The following USP24 variants were observed in gnomAD, a reference collection of about 807,000 sequenced individuals.
The protein encoded by USP24 is ubiquitin specific peptidase 24, also known as ubiquitin carboxyl-terminal hydrolase 24.
Under a neutral mutation model 361.6 loss-of-function variants are expected in USP24, and 97 were observed. The ratio of observed to expected loss-of-function variants is 0.27; its 90% CI spans 0.23 to 0.32. USP24 has a LOEUF of 0.32. Ranked by LOEUF, USP24 falls within the 10% of genes least tolerant of loss-of-function variation. The pLI is 1.00. For synonymous variants in USP24, 1,098 were observed against 1,124.6 expected (o/e 0.98, Z 0.47); for missense variants, 2,353 against 3,165.6 (o/e 0.74, Z 6.16).
chr1:55,170,861 T>C (rs1312276229), intron 5 of USP24, among the ~76,000 whole-genome samples: 1 of 152,218 alleles, frequency 6.6e-6, no homozygotes, highest in East Asian at 1.9e-4. Context: ...ACTGTTTATA[T>C]TAAAAGACAG....
chr1:55,212,571 A>G (rs775066674), intron 1 of USP24, among the ~76,000 whole-genome samples: 1 of 152,156 alleles, frequency 6.6e-6, no homozygotes, highest in Non-Finnish European at 1.5e-5. Context: ...CAAGATCAAG[A>G]GCCTCAGTTT....
chr1:55,143,747 C>T (rs1646952547), intron 21 of USP24, among the ~76,000 whole-genome samples: 2 of 151,964 alleles, frequency 1.3e-5, no homozygotes, highest in Admixed American at 6.6e-5. Context: ...ACTGTGATCC[C>T]AGGACGAAGA....
chr1:55,108,954 A>G (rs1570425207), intron 39 of USP24, among the ~76,000 whole-genome samples: 1 of 152,308 alleles, frequency 6.6e-6, no homozygotes, highest in East Asian at 1.9e-4. Flanking sequence ...CACGAGACCA[A>G]TTCCACTGCA....
rs1281455613 is a variant in USP24 at position 55,144,129 on chromosome 1, A to G, written c.2437T>C (p.Leu813=). Residue 813 remains leucine (L), a splice_region_variant and synonymous_variant, in exon 21 of 68, where the codon TTG becomes CTG. Coordinates refer to ENST00000294383, the MANE Select transcript of USP24 (RefSeq NM_015306.3). The stretch of plus-strand genomic sequence containing the variant: ...AGATTTGAGAATAACGTACTTACCA[A>G]CTGAGCTCCTTGTCTTTTCAATCGA... ...DHRLKRQGAQ[L]YVEKLELIGM... 1.2e-6 allele frequency: 2 copies of G among 1,606,298 alleles called. No individual in the cohort carries two copies. The highest frequency in any genetic ancestry group is 1.7e-6 in the Non-Finnish European group (2 of 1,176,936).
chr1:55,181,894 G>C (rs1403377506), intron 1 of USP24, among the ~76,000 whole-genome samples: 2 of 152,118 alleles, frequency 1.3e-5, no homozygotes, highest in Non-Finnish European at 2.9e-5. Flanking sequence ...CATAAGGGTA[G>C]GGCCCTAATC....
At chr1:55,163,278 T>C (rs1284060744) in intron 7 of USP24, among the ~76,000 whole-genome samples, 1 of 151,914 alleles carries the variant, frequency 6.6e-6, no homozygotes, top group African/African-American at 2.4e-5. Flanking sequence ...AAAATTTGAC[T>C]ACGTAAAAGT....
At chr1:55,078,444 T>C (rs1570348035) in intron 61 of USP24, 94 bp downstream of exon 61, 1 of 845,768 alleles carries the variant, frequency 1.2e-6, no homozygotes, top group East Asian at 3.0e-5. Flanking sequence ...ACTTAGGCTA[T>C]GAGAACAAGC....
At chr1:55,110,836 C>T (rs1645928008) in intron 38 of USP24, among the ~76,000 whole-genome samples, 1 of 152,118 alleles carries the variant, frequency 6.6e-6, no homozygotes, top group Non-Finnish European at 1.5e-5. Context: ...AGCTGGATGT[C>T]CCATGGACAA....
Position 55,171,652 on chromosome 1 carries a change from A to G in USP24, c.729T>C (p.His243=). ...GAGACACTTTCATTCTGTTTTTAAA[A>G]TGGTATTCATTATCAGGATTGAAAG... is the stretch of plus-strand genomic sequence containing the variant. The part of the protein sequence containing the change: ...TMAFNPDNEY[H]FKNRMKVSQR... The change falls in exon 5 of 68, where the codon CAT becomes CAC. Residue 243 remains histidine (H), a synonymous_variant. Coordinates refer to ENST00000294383, the MANE Select transcript of USP24 (RefSeq NM_015306.3). 1 of 1,605,434 alleles carries G rather than the reference A, an allele frequency of 6.2e-7. No homozygotes were observed. The highest frequency in any genetic ancestry group is 2.2e-5 in the East Asian group (1 of 44,638).
intron 42 of USP24, among the ~76,000 whole-genome samples, chr1:55,103,357 G>T (rs940179024): frequency 6.6e-6 from 1 of 152,066 alleles, no homozygotes; most frequent in Non-Finnish European, 1.5e-5. Flanking sequence ...ATCTCATATT[G>T]TATCACATTA....
intron 16 of USP24, among the ~76,000 whole-genome samples, chr1:55,150,654 T>C (rs1647168423): frequency 6.6e-6 from 1 of 152,192 alleles, no homozygotes; most frequent in South Asian, 2.1e-4. Context: ...TTATTTAATA[T>C]TGAAAATTAT....
rs180962658 is a variant in USP24 at position 55,129,596 on chromosome 1, T to G, written c.3538-22A>C. The G allele has an allele frequency of 1.3e-5, 20 of 1,590,798 alleles. No individual in the cohort carries two copies. In the Admixed American group the frequency reaches 3.4e-4, roughly 27 times the overall value. On this transcript the variant is annotated intron_variant, in intron 31 of 67. Coordinates refer to ENST00000294383, the MANE Select transcript of USP24 (RefSeq NM_015306.3). Reference sequence around the variant, plus strand: ...GAACCTAGGGAACAGATAAGCACAATTATTCATCCACACATTTTCAGCAGA... The same window carrying G: ...GAACCTAGGGAACAGATAAGCACAAGTATTCATCCACACATTTTCAGCAGA...
At chr1:55,090,859 C>T (rs967765239) in intron 54 of USP24, among the ~76,000 whole-genome samples, 10 of 152,168 alleles carry the variant, frequency 6.6e-5, no homozygotes, top group Non-Finnish European at 1.5e-5. Context: ...CCAAGGAAGG[C>T]GAATCACCTG....
chr1:55,176,867 A>G (rs925043190), intron 2 of USP24, among the ~76,000 whole-genome samples: 2 of 152,090 alleles, frequency 1.3e-5, no homozygotes, highest in Non-Finnish European at 1.5e-5. Flanking sequence ...AGGCCGAGGC[A>G]AGAGGATCAC....
At chr1:55,197,121 A>G (rs1227897164) in intron 1 of USP24, among the ~76,000 whole-genome samples, 1 of 152,208 alleles carries the variant, frequency 6.6e-6, no homozygotes, top group African/African-American at 2.4e-5. Flanking sequence ...CTAGTTTAGA[A>G]TGCCGTTCCC....
chr1:55,159,638 A>G lies in USP24; in HGVS notation c.1041T>C (p.Ser347=). The G allele has an allele frequency of 1.3e-6, 2 of 1,562,336 alleles. No individual in the cohort carries two copies. The highest frequency in any genetic ancestry group is 1.2e-5 in the South Asian group (1 of 84,974). Residue 347 remains serine, a synonymous_variant, in exon 9 of 68, where the codon AGT becomes AGC. Coordinates refer to ENST00000294383, the MANE Select transcript of USP24 (RefSeq NM_015306.3). The stretch of plus-strand genomic sequence containing the variant: ...TGTCTTTGAGGTCTTTCTCTTCTAC[A>G]CTCCGTACATCCTGGATTGTAGTAA... ...VILTTIQDVR[S]VEEKDLKDKR...
chr1:55,182,665 C>A (rs1341633875), intron 1 of USP24, among the ~76,000 whole-genome samples: 1 of 152,086 alleles, frequency 6.6e-6, no homozygotes, highest in Non-Finnish European at 1.5e-5. Flanking sequence ...GATATTCCCA[C>A]CAAAAATGTA....
chr1:55,179,686 G>C (rs760448249), intron 1 of USP24, among the ~76,000 whole-genome samples: 6 of 151,922 alleles, frequency 3.9e-5, no homozygotes, highest in Non-Finnish European at 5.9e-5. Flanking sequence ...CCAGGACCTG[G>C]TGATTGGACC....
Position 55,153,792 on chromosome 1 carries a change from T to C in USP24, c.1860+78A>G, listed in dbSNP as rs892181527. On this transcript the variant is annotated intron_variant, in intron 16 of 67. Coordinates refer to ENST00000294383, the MANE Select transcript of USP24 (RefSeq NM_015306.3). The stretch of plus-strand genomic sequence containing the variant: ...GAAACACTAAAACATACTATTATTT[T>C]AAAATTGTGGTGTAATTTATTAAAG... 4 of 1,353,230 alleles carry C rather than the reference T, an allele frequency of 3.0e-6. No individual in the cohort carries two copies. The African/African-American group carries it at 5.9e-5, about 20-fold the overall frequency. 83.8% of individuals were successfully genotyped at this position (1,353,230 alleles called of 1,614,324 possible). A position where few individuals can be genotyped will look rare whatever the true frequency, so the allele number is the denominator to read the frequency against.
Sources: gnomAD v4.1 joint callset for allele counts (sites outside exome capture counted in the v4.1 genomes callset) on GRCh38, gnomAD v4.1.1 for gene constraint, MANE v1.5 for transcripts, NCBI Gene and HGNC (gene_info 2026-07-23, HGNC 2026-07-21) for gene names.